GLMN: variants seen among roughly 807,000 people sequenced by gnomAD.
The protein encoded by GLMN is glomulin, FKBP associated protein.
Under a neutral mutation model 87.8 loss-of-function variants are expected in GLMN, and 75 were observed. That is an observed-to-expected ratio of 0.85 (90% CI 0.71 to 1.04). The LOEUF (loss-of-function observed/expected upper bound fraction) is 1.04, where lower values mean the gene tolerates loss of function less well. GLMN is among the 50% of genes least tolerant of loss of function. The pLI is 0.00. For missense variants in GLMN, 588 were observed against 658.8 expected (o/e 0.89, Z 1.18); for synonymous variants, 206 against 221.6 (o/e 0.93, Z 0.63).
the GLMN span, chr1:92,336,469 C>T: frequency 1.5e-6 from 2 of 1,366,334 alleles, no homozygotes; most frequent in South Asian, 2.4e-5. Context: ...ATTATTTTGA[C>T]TTTATTTATT....
At chr1:92,349,885 C>G in the GLMN span, among the ~76,000 whole-genome samples, 2 of 152,148 alleles carry the variant, frequency 1.3e-5, no homozygotes, top group Admixed American at 6.5e-5. Context: ...CATAATCATG[C>G]CACTGCACTC....
intron 7 of GLMN, among the ~76,000 whole-genome samples, chr1:92,275,693 A>G (rs2100953593): frequency 6.6e-6 from 1 of 152,314 alleles, no homozygotes; most frequent in African/African-American, 2.4e-5. Flanking sequence ...TCTTGCTAAG[A>G]TTACCAATGC....
chr1:92,294,750 C>A (rs1649823756), intron 3 of GLMN, among the ~76,000 whole-genome samples: 2 of 152,032 alleles, frequency 1.3e-5, no homozygotes, highest in African/African-American at 4.8e-5. Flanking sequence ...ACGATCTTGG[C>A]TCACTGCAGC....
intron 16 of GLMN, among the ~76,000 whole-genome samples, chr1:92,248,903 C>A (rs1290304771): frequency 6.6e-6 from 1 of 151,958 alleles, no homozygotes; most frequent in Non-Finnish European, 1.5e-5. Flanking sequence ...GATCTAAAAC[C>A]CTCAAAAATA....
chr1:92,284,486 A>T (rs1475793679), intron 7 of GLMN, among the ~76,000 whole-genome samples: 2 of 152,232 alleles, frequency 1.3e-5, no homozygotes, highest in South Asian at 2.1e-4. Context: ...TGGATTAAAG[A>T]CTTAAATGTA....
In GLMN at chr1:92,247,888, T is replaced by A. The variant is rs767224524; in HGVS notation, c.1575A>T (p.Lys525Asn). 1 of 1,255,048 alleles carries A rather than the reference T, an allele frequency of 8.0e-7. No homozygotes were observed. The highest frequency in any genetic ancestry group is 2.3e-5 in the East Asian group (1 of 43,132). The allele number at this position is 1,255,048 out of a possible 1,614,324, so 77.7% of individuals were successfully genotyped here. ...TTGCACATTACCAACCTTGGCTATT[T>A]TTAATTTCTGCTTCATAATGTGCTT... is the stretch of plus-strand genomic sequence containing the variant. ...MSKAHYEAEI[K>N]NSQEAQKSKD... The change falls in exon 17 of 19, where the codon AAA (lysine) becomes AAT (asparagine). Residue 525 changes from lysine to asparagine, a missense_variant. Physicochemically the swap from Lys to Asn is moderately conservative, Grantham distance 94. Coordinates refer to ENST00000370360, the MANE Select transcript of GLMN (RefSeq NM_053274.3).
At chr1:92,332,619 G>A in the GLMN span, among the ~76,000 whole-genome samples, 1 of 152,058 alleles carries the variant, frequency 6.6e-6, no homozygotes, top group African/African-American at 2.4e-5. Context: ...TGTAATCAGA[G>A]ATTAAGATGA....
chr1:92,303,930 A>T (rs368423779), upstream of GLMN: 1 of 1,313,626 alleles, frequency 7.6e-7, no homozygotes, highest in Admixed American at 1.9e-5. Context: ...TGATAAATGA[A>T]CTTTTCTATT....
chr1:92,347,780 T>C, the GLMN span, among the ~76,000 whole-genome samples: 1 of 152,194 alleles, frequency 6.6e-6, no homozygotes, highest in Non-Finnish European at 1.5e-5. Flanking sequence ...TTCTTTAACT[T>C]TGGATATAAT....
chr1:92,254,540 G>A (rs528222179), intron 16 of GLMN, among the ~76,000 whole-genome samples: 6 of 152,278 alleles, frequency 3.9e-5, no homozygotes, highest in East Asian at 1.9e-4. Flanking sequence ...TACCCACAAC[G>A]GGAAGCCCAT....
intron 13 of GLMN, among the ~76,000 whole-genome samples, chr1:92,265,846 C>G (rs942127109): frequency 6.6e-6 from 1 of 152,288 alleles, no homozygotes; most frequent in African/African-American, 2.4e-5. Flanking sequence ...CTGGAACACA[C>G]CCATCCCCAA....
the GLMN span, among the ~76,000 whole-genome samples, chr1:92,353,235 A>G: frequency 5.9e-5 from 9 of 152,158 alleles, no homozygotes; most frequent in Non-Finnish European, 1.3e-4. Context: ...GGGTCATATG[A>G]TAACTCTGTT....
intron 2 of GLMN, 175 bp downstream of exon 2, chr1:92,297,786 T>C (rs1650300544): frequency 1.6e-6 from 1 of 629,126 alleles, no homozygotes; most frequent in Non-Finnish European, 2.8e-6. Context: ...TTTAGATAAG[T>C]ATGTCACCTG....
intron 16 of GLMN, among the ~76,000 whole-genome samples, chr1:92,262,048 G>A (rs912891941): frequency 6.6e-6 from 1 of 152,092 alleles, no homozygotes; most frequent in Non-Finnish European, 1.5e-5. Context: ...AGGGATGAAC[G>A]GGGGTTCAAA....
At chr1:92,272,677 T>C (rs1250927385) in intron 7 of GLMN, among the ~76,000 whole-genome samples, 1 of 152,188 alleles carries the variant, frequency 6.6e-6, no homozygotes, top group Non-Finnish European at 1.5e-5. Flanking sequence ...CAGCTGGGCC[T>C]GAGGAAACAC....
the GLMN span, chr1:92,320,716 T>G: frequency 4.6e-6 from 5 of 1,082,680 alleles, no homozygotes; most frequent in Non-Finnish European, 6.9e-6. Flanking sequence ...ATATGAGCTC[T>G]TGGACTTCCT....
In GLMN at chr1:92,272,853, C is replaced by T. The variant is rs367974677; in HGVS notation, c.736-1201G>A. The stretch of plus-strand genomic sequence containing the variant: ...ATTCTAGCGTACCAGAAAGCACCTA[C>T]CTTCAGAATCCACTGACATTGATTT... On this transcript the variant is annotated intron_variant, in intron 7 of 18. Coordinates refer to ENST00000370360, the MANE Select transcript of GLMN (RefSeq NM_053274.3). Among the ~76,000 whole-genome samples the T allele has an allele frequency of 3.5e-4, 53 of 152,348 alleles. 1 individual carries two copies. Among genetic ancestry groups the T allele is most frequent in the African/African-American group, 1.2e-3 (49 of 41,574 alleles).
chr1:92,335,401 A>C, the GLMN span, among the ~76,000 whole-genome samples: 1 of 152,236 alleles, frequency 6.6e-6, no homozygotes, highest in Non-Finnish European at 1.5e-5. Flanking sequence ...TTAAAAAAAT[A>C]AAGTAACACA....
chr1:92,262,850 A>G lies in GLMN; in HGVS notation c.1473+13T>C, dbSNP rs369801701. The G allele has an allele frequency of 3.9e-6, 4 of 1,034,198 alleles. No individual in the cohort carries two copies. The highest frequency in any genetic ancestry group is 3.1e-5 in the African/African-American group (2 of 64,474). The allele number at this position is 1,034,198 out of a possible 1,614,324, so 64.1% of individuals were successfully genotyped here. ...GAATATACTCACAGTTTCTTTTCAAATACTTCACTTACTTGATTGTCATTT... is the reference window on the plus strand; with the variant it reads ...GAATATACTCACAGTTTCTTTTCAAGTACTTCACTTACTTGATTGTCATTT... On this transcript the variant is annotated intron_variant, in intron 16 of 18. Transcript: ENST00000370360.
Sources: gnomAD v4.1 joint callset for allele counts (sites outside exome capture counted in the v4.1 genomes callset) on GRCh38, gnomAD v4.1.1 for gene constraint, MANE v1.5 for transcripts, NCBI Gene and HGNC (gene_info 2026-07-23, HGNC 2026-07-21) for gene names.